The following MYH6 variants were observed in gnomAD, a reference collection of about 807,000 sequenced individuals.
MYH6 encodes the protein myosin-6.
MYH6 carries 126 observed loss-of-function variants against 223.2 expected under a neutral mutation model. The observed-to-expected ratio is 0.56, with a 90% confidence interval of 0.49 to 0.65. The LOEUF (loss-of-function observed/expected upper bound fraction) is 0.65, where lower values mean the gene tolerates loss of function less well. Ranked by LOEUF, MYH6 falls within the 30% of genes least tolerant of loss-of-function variation. The probability of loss-of-function intolerance (pLI) is 0.00; values close to 1 mark genes in which losing one functional copy is unlikely to be tolerated. For synonymous variants in MYH6, 978 were observed against 1,010.2 expected (o/e 0.97, Z 0.61); for missense variants, 2,040 against 2,536.4 (o/e 0.80, Z 4.20).
chr14:23,393,890 C>T lies in MYH6; in HGVS notation c.2704G>A (p.Asp902Asn). The T allele has an allele frequency of 6.2e-7, 1 of 1,614,170 alleles. No homozygotes were observed. ...QVQAEQDNLN[D>N]AEERCDQLIK... ...AGCTGGTCGCAGCGCTCCTCAGCATCATTGAGGTTGTCTTGTTCCTGGGAG... is the reference window on the plus strand; with the variant it reads ...AGCTGGTCGCAGCGCTCCTCAGCATTATTGAGGTTGTCTTGTTCCTGGGAG... The change falls in exon 22 of 39, where the codon GAT becomes AAT. Residue 902 changes from aspartate to asparagine, a missense_variant. By Grantham distance (23) the Asp-to-Asn change is conservative. Coordinates refer to ENST00000405093, the MANE Select transcript of MYH6 (RefSeq NM_002471.4).
chr14:23,397,074 A>G lies in MYH6; in HGVS notation c.2057T>C (p.Met686Thr). Residue 686 changes from methionine to threonine, a missense_variant, in exon 18 of 39, where the codon ATG becomes ACG. This residue lies in a region of MYH6 where 649 missense variants were observed against 877.3 expected (regional missense o/e 0.74). Transcript: ENST00000405093. ...IPNERKAPGV[M>T]DNPLVMHQLR... ...CTGGTGCATGACCAGGGGGTTGTCCATCACCCCTGTGTCAGGAGGGAAGGG... is the reference window on the plus strand; with the variant it reads ...CTGGTGCATGACCAGGGGGTTGTCCGTCACCCCTGTGTCAGGAGGGAAGGG... 4 of 1,614,198 alleles carry G rather than the reference A, an allele frequency of 2.5e-6. No homozygotes were observed. Among genetic ancestry groups the G allele is most frequent in the African/African-American group, 1.3e-5 (1 of 75,046 alleles).
chr14:23,388,471 G>A (rs536509931), intron 29 of MYH6, 133 bp from the exon 30 acceptor site: 1 of 1,415,412 alleles, frequency 7.1e-7, no homozygotes, highest in East Asian at 2.3e-5. Flanking sequence ...AGCTGAGCCT[G>A]CTCATGCCTG....
Position 23,398,993 on chromosome 14 carries a change from G to A in MYH6, c.1626C>T (p.Pro542=), listed in dbSNP as rs1566513162. Reference sequence around the variant, plus strand: ...CCTTGAAGGTCATGTCAGTGGCCTTGGGGAACATGCACTCCTCCTCCAGGA... The same window carrying A: ...CCTTGAAGGTCATGTCAGTGGCCTTAGGGAACATGCACTCCTCCTCCAGGA... The part of the protein sequence containing the change: ...MSILEEECMF[P]KATDMTFKAK... Residue 542 remains proline (P), a synonymous_variant, in exon 15 of 39, where the codon CCC becomes CCT. Transcript: ENST00000405093. 1.2e-6 allele frequency: 2 copies of A among 1,614,004 alleles called. No individual in the cohort carries two copies. Among genetic ancestry groups the A allele is most frequent in the South Asian group, 1.1e-5 (1 of 91,084 alleles).
At position 23,405,511 on chromosome 14, in the gene MYH6, G is replaced by T. The variant is rs530479559; in HGVS notation, c.345+116C>A. 4.4e-6 allele frequency: 7 copies of T among 1,595,082 alleles called. No individual in the cohort carries two copies. The Admixed American group carries it at 8.6e-5, about 20-fold the overall frequency. On this transcript the variant is annotated intron_variant, in intron 4 of 38. Transcript: ENST00000405093. The surrounding 1 kb of genome is among the most constrained non-coding windows in gnomAD (Gnocchi z 4.7). ...CTGCAGCTGACTAGGGGTGGAGGGG[G>T]GAAGGGGACTTGGGTCCCTTGGGAG...
chr14:23,388,799 C>T lies in MYH6; in HGVS notation c.4175+60G>A, dbSNP rs573774113. ...TCATGACCACTTTGCCTGTCCCCAC[C>T]CCAGGTCCTCTCGCCCCTTCCTCTC... On this transcript the variant is annotated intron_variant, in intron 29 of 38. Coordinates refer to ENST00000405093, the MANE Select transcript of MYH6 (RefSeq NM_002471.4). 3,500 of 1,613,354 alleles carry T rather than the reference C, an allele frequency of 2.2e-3. 8 individuals are homozygous for T. The highest frequency in any genetic ancestry group is 3.0e-3 in the Middle Eastern group (18 of 5,996).
rs183733802 is a variant in MYH6 at position 23,382,568 on chromosome 14, G to A, written c.5662-6C>T. On this transcript the variant is annotated splice_polypyrimidine_tract_variant and splice_region_variant and intron_variant, in intron 37 of 38. Transcript: ENST00000405093. ...TTGGTGTTGGCTTGCTCCTCCTGTG[G>A]TGGGACAGTGGGGATGGGTGAATGA... 55 of 1,614,188 alleles carry A rather than the reference G, an allele frequency of 3.4e-5. No individual in the cohort carries two copies. Among genetic ancestry groups the A allele is most frequent in the Admixed American group, 1.8e-4 (11 of 60,014 alleles).
rs1595062683 is a variant in MYH6 at position 23,402,510 on chromosome 14, G to C, written c.1095C>G (p.Phe365Leu). The C allele has an allele frequency of 1.2e-6, 2 of 1,613,700 alleles. No individual in the cohort carries two copies. Among genetic ancestry groups the C allele is most frequent in the African/African-American group, 1.3e-5 (1 of 74,928 alleles). The change falls in exon 12 of 39, where the codon TTC becomes TTG. Residue 365 changes from phenylalanine (F) to leucine (L), a missense_variant. Physicochemically the swap from Phe to Leu is conservative, Grantham distance 22 (BLOSUM62 0). Coordinates refer to ENST00000405093, the MANE Select transcript of MYH6 (RefSeq NM_002471.4). ...GAIMHYGNMK[F>L]KQKQREEQAE... is the part of the protein sequence containing the mutation. ...CCTGCTCCTCCCGCTGCTTCTGCTT[G>C]AACTTCATGTTCCCGTAGTGCATGA...
intron 34 of MYH6, 85 bp downstream of exon 34, chr14:23,385,843 T>C: frequency 1.9e-6 from 3 of 1,584,150 alleles, no homozygotes; most frequent in Non-Finnish European, 2.6e-6. Context: ...TGGCTAGATG[T>C]GCTCACTTAG....
chr14:23,404,948 T>C, intron 6 of MYH6, 126 bp from the exon 7 acceptor site: 4 of 1,488,162 alleles, frequency 2.7e-6, no homozygotes, highest in Non-Finnish European at 3.7e-6. Context: ...TTGCCTGACA[T>C]GGTTCATTGC....
Position 23,384,453 on chromosome 14 carries a change from G to T in MYH6, c.5554C>A (p.Leu1852Ile). 1 of 1,610,928 alleles carries T rather than the reference G, an allele frequency of 6.2e-7. No individual in the cohort carries two copies. The highest frequency in any genetic ancestry group is 8.5e-7 in the Non-Finnish European group (1 of 1,180,028). The change falls in exon 36 of 39, where the codon CTC becomes ATC. Residue 1852 changes from leucine (L) to isoleucine (I), a missense_variant. Transcript: ENST00000405093. ...MRKSERRIKELTYQTEEDKKN... is the reference protein window; with the variant it reads ...MRKSERRIKEITYQTEEDKKN... ...GGCGTCCGCCGCACCTGGTAGGTGA[G>T]CTCCTTGATGCGCCGCTCGCTCTTC...
chr14:23,382,093 C>A lies in MYH6; in HGVS notation c.5797-30G>T, dbSNP rs373957630. ...AAAAAGAATAAGAGGTGTGAGGGGG[C>A]AGCTGGCAAGAGGGAGAAGTGTGTG... On this transcript the variant is annotated intron_variant, in intron 38 of 38. Coordinates refer to ENST00000405093, the MANE Select transcript of MYH6 (RefSeq NM_002471.4). 19 of 1,599,674 alleles carry A rather than the reference C, an allele frequency of 1.2e-5. No homozygotes were observed. The African/African-American group carries it at 1.5e-4, about 12-fold the overall frequency.
Position 23,392,903 on chromosome 14 carries a change from G to T in MYH6, c.3251+9C>A, listed in dbSNP as rs763587067. 1.1e-5 allele frequency: 17 copies of T among 1,613,022 alleles called. No homozygotes were observed. In the South Asian group the frequency reaches 1.6e-4, roughly 16 times the overall value. On this transcript the variant is annotated intron_variant, in intron 24 of 38. Transcript: ENST00000405093. ...CCATTAGCCCCTCCTGGCCACCACA[G>T]TCTCCTACTTCTTAAGCTTTTCTTC...
At chr14:23,404,248 T>C in intron 8 of MYH6, 48 bp downstream of exon 8, 1 of 1,603,340 alleles carries the variant, frequency 6.2e-7, no homozygotes, top group Middle Eastern at 1.7e-4. Flanking sequence ...ACCCCCTTTT[T>C]CTTGTCAAGG....
rs756392451 is a variant in MYH6 at position 23,388,986 on chromosome 14, C to T, written c.4048G>A (p.Glu1350Lys). 2.2e-5 allele frequency: 35 copies of T among 1,613,644 alleles called. No individual in the cohort carries two copies. Among genetic ancestry groups the T allele is most frequent in the East Asian group, 1.3e-4 (6 of 44,838 alleles). ...TCGGCCTTGGCCTCTGTCTCCTCCT[C>T]GTACTGCTCCCGCAGCAGGTCGCAG... ...HDCDLLREQYEEETEAKAELQ... is the reference protein window; with the variant it reads ...HDCDLLREQYKEETEAKAELQ... The change falls in exon 29 of 39, where the codon GAG becomes AAG. Residue 1350 changes from glutamate to lysine, a missense_variant. By Grantham distance (56) the Glu-to-Lys change is moderately conservative (BLOSUM62 1). This residue lies in a region of MYH6 where 1,203 missense variants were observed against 1,400.2 expected (regional missense o/e 0.86). Coordinates refer to ENST00000405093, the MANE Select transcript of MYH6 (RefSeq NM_002471.4).
At chr14:23,385,869 T>C in intron 34 of MYH6, 59 bp downstream of exon 34, 2 of 1,611,128 alleles carry the variant, frequency 1.2e-6, no homozygotes, top group Non-Finnish European at 1.7e-6. Context: ...CTGGCTTTTC[T>C]AGATGTCCTG....
rs527764303 is a variant in MYH6, at chr14:23,388,417, C to G, written c.4176-79G>C. The G allele has an allele frequency of 5.1e-6, 8 of 1,562,924 alleles. No individual in the cohort carries two copies. The African/African-American group carries it at 1.1e-4, about 21-fold the overall frequency. The stretch of plus-strand genomic sequence containing the variant: ...GCCTTGGGTGGACCTCCTTCCACCC[C>G]CTCCCTATATCTCCTTGAGACACCG... On this transcript the variant is annotated intron_variant, in intron 29 of 38. Transcript: ENST00000405093.
chr14:23,406,599 G>C (rs1466711157), intron 3 of MYH6, among the ~76,000 whole-genome samples: 1 of 152,186 alleles, frequency 6.6e-6, no homozygotes, highest in African/African-American at 2.4e-5. Context: ...AAAAGTTTCT[G>C]ATCTTTGTGT....
chr14:23,382,406 G>A, intron 38 of MYH6, 22 bp downstream of exon 38: 1 of 1,613,930 alleles, frequency 6.2e-7, no homozygotes, highest in Non-Finnish European at 8.5e-7. Flanking sequence ...AGTGACTAGT[G>A]AAGCCCAGGG....
In MYH6 at chr14:23,382,080, A is replaced by G; in HGVS notation, c.5797-17T>C. 6.2e-7 allele frequency: 1 copy of G among 1,612,232 alleles called. No individual in the cohort carries two copies. The highest frequency in any genetic ancestry group is 8.5e-7 in the Non-Finnish European group (1 of 1,178,376). On this transcript the variant is annotated splice_polypyrimidine_tract_variant and intron_variant, in intron 38 of 38. Transcript: ENST00000405093. ...CATTTTTTGCTGCAAAAAGAATAAG[A>G]GGTGTGAGGGGGCAGCTGGCAAGAG...
Sources: gnomAD v4.1 joint callset for allele counts (sites outside exome capture counted in the v4.1 genomes callset) on GRCh38, gnomAD v4.1.1 for gene constraint, gnomAD v4.1.1 regional missense constraint, Gnocchi (gnomAD v3.1) non-coding constraint, MANE v1.5 for transcripts, NCBI Gene and HGNC (gene_info 2026-07-23, HGNC 2026-07-21) for gene names.